Variants in PARD3B observed in about 807,000 individuals in gnomAD.
PARD3B encodes partitioning defective 3 homolog B.
PARD3B carries 103 observed loss-of-function variants against 130.2 expected under a neutral mutation model. That is an observed-to-expected ratio of 0.79 (90% CI 0.67 to 0.93). PARD3B has a LOEUF of 0.93. PARD3B is among the 40% of genes least tolerant of loss of function. The probability of loss-of-function intolerance (pLI) is 0.00; values close to 1 mark genes in which losing one functional copy is unlikely to be tolerated. For synonymous variants in PARD3B, 583 were observed against 553.2 expected (o/e 1.05, Z -0.76); for missense variants, 1,609 against 1,499.2 (o/e 1.07, Z -1.21).
chr2:205,072,819 G>A (rs891574821), intron 4 of PARD3B, among the ~76,000 whole-genome samples: 2 of 152,040 alleles, frequency 1.3e-5, no homozygotes, highest in African/African-American at 2.4e-5. Flanking sequence ...TAAAAGCGAC[G>A]ATACCAACTT....
At chr2:204,991,198 G>A (rs1693647062) in intron 3 of PARD3B, among the ~76,000 whole-genome samples, 1 of 150,564 alleles carries the variant, frequency 6.6e-6, no homozygotes, top group Admixed American at 6.6e-5. Context: ...CTAGCATTAG[G>A]TATATCTCCC....
intron 19 of PARD3B, among the ~76,000 whole-genome samples, chr2:205,417,527 C>G (rs953084515): frequency 6.6e-5 from 10 of 152,318 alleles, no homozygotes; most frequent in Middle Eastern, 3.4e-3. Flanking sequence ...AATGGTTGAA[C>G]TAGTTTACAC....
intron 10 of PARD3B, among the ~76,000 whole-genome samples, chr2:205,157,564 A>T (rs1395671652): frequency 6.6e-6 from 1 of 152,168 alleles, no homozygotes; most frequent in Non-Finnish European, 1.5e-5. Flanking sequence ...TGTTTTAATT[A>T]TGGGTTCTTT....
intron 2 of PARD3B, among the ~76,000 whole-genome samples, chr2:204,874,807 C>T (rs1470022011): frequency 1.3e-5 from 2 of 152,170 alleles, no homozygotes; most frequent in South Asian, 4.1e-4. Flanking sequence ...CTTGGTTCTA[C>T]AAGTGCATAT....
At chr2:205,084,110 G>C (rs1701600819) in intron 4 of PARD3B, among the ~76,000 whole-genome samples, 2 of 151,980 alleles carry the variant, frequency 1.3e-5, no homozygotes, top group South Asian at 4.1e-4. Context: ...AAAAATCTAA[G>C]GATCAGTTTG....
chr2:205,181,522 C>G (rs2035787328), intron 13 of PARD3B, among the ~76,000 whole-genome samples: 1 of 152,186 alleles, frequency 6.6e-6, no homozygotes, highest in Non-Finnish European at 1.5e-5. Flanking sequence ...TGTCATCACT[C>G]AATTCTGCCA....
intron 22 of PARD3B, among the ~76,000 whole-genome samples, chr2:205,614,610 G>A (rs1216135916): frequency 6.6e-6 from 1 of 151,932 alleles, no homozygotes; most frequent in Non-Finnish European, 1.5e-5. Flanking sequence ...GTAGGCTGAG[G>A]TGGGAGAATC....
At chr2:205,432,322 G>C (rs1038883199) in intron 19 of PARD3B, among the ~76,000 whole-genome samples, 3 of 152,128 alleles carry the variant, frequency 2.0e-5, no homozygotes, top group African/African-American at 7.2e-5. Flanking sequence ...CAGTCAGAGA[G>C]CCCTTTACCA....
chr2:205,354,768 G>C (rs902576332), intron 18 of PARD3B, among the ~76,000 whole-genome samples: 7 of 152,194 alleles, frequency 4.6e-5, no homozygotes, highest in African/African-American at 1.7e-4. Context: ...TCTTTCCAGA[G>C]CATTCTAAAA....
In PARD3B at chr2:205,617,220, C is replaced by G. The variant is rs1363704274; in HGVS notation, c.*1407C>G. 1 of 153,096 alleles carries G rather than the reference C, an allele frequency of 6.5e-6. No homozygotes were observed. The highest frequency in any genetic ancestry group is 2.4e-5 in the African/African-American group (1 of 41,454). 9.5% of individuals were successfully genotyped at this position (153,096 alleles called of 1,614,324 possible). Reference sequence around the variant, plus strand: ...TGGAAACTAAAACCTCTAAAACATACAAGCTGGCCCAAATGAGAACACAAG... The same window carrying G: ...TGGAAACTAAAACCTCTAAAACATAGAAGCTGGCCCAAATGAGAACACAAG... On this transcript the variant is annotated 3_prime_UTR_variant, in exon 23 of 23. Coordinates refer to ENST00000406610, the MANE Select transcript of PARD3B (RefSeq NM_001302769.2).
chr2:205,035,816 TATATC>T (rs1447156871), intron 3 of PARD3B, among the ~76,000 whole-genome samples: 6 of 6,482 alleles, frequency 9.3e-4, no homozygotes, highest in African/African-American at 1.2e-3. Flanking sequence ...TATATATATA[TATATC>T]TATATATCTA....
intron 2 of PARD3B, among the ~76,000 whole-genome samples, chr2:204,786,510 T>A (rs1164739002): frequency 6.6e-6 from 1 of 150,936 alleles, no homozygotes; most frequent in Non-Finnish European, 1.5e-5. Flanking sequence ...GTGGCCTGAA[T>A]TGACTGCCAT....
intron 16 of PARD3B, among the ~76,000 whole-genome samples, chr2:205,252,279 C>T (rs1373954462): frequency 6.6e-6 from 1 of 152,100 alleles, no homozygotes; most frequent in Non-Finnish European, 1.5e-5. Flanking sequence ...TAAATGCCCA[C>T]TCTACACAGA....
At chr2:205,024,229 G>T (rs556110782) in intron 3 of PARD3B, among the ~76,000 whole-genome samples, 8 of 144,290 alleles carry the variant, frequency 5.5e-5, no homozygotes, top group South Asian at 2.3e-4. Context: ...GTGCAGTGGC[G>T]CGTTCTTGGC....
intron 18 of PARD3B, among the ~76,000 whole-genome samples, chr2:205,326,517 A>G (rs780995655): frequency 1.3e-5 from 2 of 152,172 alleles, no homozygotes; most frequent in African/African-American, 4.8e-5. Context: ...TATCTCTATG[A>G]GCTAGAACGA....
At chr2:205,097,747 T>A (rs368122508) in intron 4 of PARD3B, among the ~76,000 whole-genome samples, 13 of 152,302 alleles carry the variant, frequency 8.5e-5, no homozygotes, top group Middle Eastern at 3.4e-3. Context: ...AACACAGTTC[T>A]TCTTAAGCAG....
At chr2:204,603,213 CT>C (rs1490222925) in intron 1 of PARD3B, among the ~76,000 whole-genome samples, 3 of 151,968 alleles carry the variant, frequency 2.0e-5, no homozygotes, top group African/African-American at 7.2e-5. Flanking sequence ...TCTTTTATGC[CT>C]TTTTTACTCC....
intron 3 of PARD3B, among the ~76,000 whole-genome samples, chr2:204,977,143 A>G (rs967966707): frequency 6.6e-6 from 1 of 152,208 alleles, no homozygotes; most frequent in African/African-American, 2.4e-5. Flanking sequence ...AGAATAGTAT[A>G]ATTACCACAA....
At chr2:205,314,463 A>G (rs184799120) in intron 18 of PARD3B, among the ~76,000 whole-genome samples, 2 of 152,256 alleles carry the variant, frequency 1.3e-5, no homozygotes, top group East Asian at 3.9e-4. Context: ...CATCCGTTGG[A>G]TTTTCCTGAC....
Sources: gnomAD v4.1 joint callset for allele counts (sites outside exome capture counted in the v4.1 genomes callset) on GRCh38, gnomAD v4.1.1 for gene constraint, MANE v1.5 for transcripts, NCBI Gene and HGNC (gene_info 2026-07-23, HGNC 2026-07-21) for gene names.